Variants in NEXN observed in about 807,000 individuals in gnomAD.
The protein encoded by NEXN is nexilin F-actin binding protein, also known as nexilin.
NEXN carries 65 observed loss-of-function variants against 92.6 expected under a neutral mutation model. The ratio of observed to expected loss-of-function variants is 0.70; its 90% CI spans 0.57 to 0.86. The LOEUF is 0.86. NEXN is among the 40% of genes least tolerant of loss of function. NEXN has a pLI of 0.00. For missense variants in NEXN, 778 were observed against 771.1 expected, an observed-to-expected ratio of 1.01 and a Z score of -0.11; for synonymous variants, 254 against 242.5, an observed-to-expected ratio of 1.05 and a Z score of -0.44.
chr1:77,941,485 A>G (rs1423126251), intron 11 of NEXN, among the ~76,000 whole-genome samples: 4 of 152,088 alleles, frequency 2.6e-5, no homozygotes, highest in Non-Finnish European at 5.9e-5. Context: ...TGTTTCAGCC[A>G]TTGCCTCTTT....
intron 5 of NEXN, among the ~76,000 whole-genome samples, chr1:77,923,593 A>G (rs995981051): frequency 6.6e-6 from 1 of 152,010 alleles, no homozygotes. Flanking sequence ...TCTTCTCTCA[A>G]TTATGTTTGC....
chr1:77,915,607 G>A (rs561404091), intron 1 of NEXN, among the ~76,000 whole-genome samples: 5 of 152,270 alleles, frequency 3.3e-5, no homozygotes, highest in Admixed American at 6.5e-5. Context: ...CAGCCTGGGC[G>A]ACAGAGTGAG....
At chr1:77,900,478 A>C (rs1482403214) in intron 1 of NEXN, among the ~76,000 whole-genome samples, 1 of 152,170 alleles carries the variant, frequency 6.6e-6, no homozygotes, top group Non-Finnish European at 1.5e-5. Flanking sequence ...TTTGTTTCGT[A>C]TCCCATTGCC....
chr1:77,936,147 C>A, intron 11 of NEXN, 103 bp downstream of exon 11: 2 of 830,878 alleles, frequency 2.4e-6, no homozygotes, highest in South Asian at 1.6e-5. Context: ...TAAAATTAAT[C>A]ATTGGTATAT....
chr1:77,927,119 T>G (rs1221612685), intron 8 of NEXN, among the ~76,000 whole-genome samples: 1 of 152,012 alleles, frequency 6.6e-6, no homozygotes, highest in Non-Finnish European at 1.5e-5. Flanking sequence ...GTCAGGAGTT[T>G]GAAACCAGCC....
At chr1:77,910,572 G>A (rs1197058891) in intron 1 of NEXN, among the ~76,000 whole-genome samples, 2 of 151,982 alleles carry the variant, frequency 1.3e-5, no homozygotes, top group Non-Finnish European at 2.9e-5. Context: ...CCAACATAGT[G>A]AAACCCTGTC....
chr1:77,931,418 A>G (rs1650298017), intron 9 of NEXN, among the ~76,000 whole-genome samples: 1 of 141,394 alleles, frequency 7.1e-6, no homozygotes, highest in South Asian at 2.2e-4. Context: ...GTCTCAAAAA[A>G]AAAAAAAAAA....
At chr1:77,919,551 C>A (rs1383664574) in intron 5 of NEXN, among the ~76,000 whole-genome samples, 1 of 151,680 alleles carries the variant, frequency 6.6e-6, no homozygotes, top group Admixed American at 6.6e-5. Context: ...GTTACATGGC[C>A]CATGCAAGTC....
intron 11 of NEXN, among the ~76,000 whole-genome samples, chr1:77,936,965 C>T (rs1465456280): frequency 1.3e-5 from 2 of 152,180 alleles, no homozygotes; most frequent in African/African-American, 2.4e-5. Context: ...AAGATGCAAG[C>T]ATAACTGAGA....
chr1:77,938,403 C>T (rs1650962652), intron 11 of NEXN, among the ~76,000 whole-genome samples: 1 of 152,092 alleles, frequency 6.6e-6, no homozygotes, highest in African/African-American at 2.4e-5. Context: ...GTAATCCCGG[C>T]ACTTTGGGAG....
intron 1 of NEXN, among the ~76,000 whole-genome samples, chr1:77,891,454 CT>C (rs942323630): frequency 5.9e-5 from 9 of 151,992 alleles, no homozygotes; most frequent in Admixed American, 3.9e-4. Context: ...TTTCTTCCTC[CT>C]TTATTTCCTT....
intron 8 of NEXN, among the ~76,000 whole-genome samples, chr1:77,927,618 G>C (rs1431626217): frequency 6.7e-6 from 1 of 150,050 alleles, no homozygotes; most frequent in Non-Finnish European, 1.5e-5. Flanking sequence ...GTGTGTGTGT[G>C]TGTGTGTGTG....
At chr1:77,922,685 C>T (rs2102110058) in intron 5 of NEXN, among the ~76,000 whole-genome samples, 1 of 151,762 alleles carries the variant, frequency 6.6e-6, no homozygotes, top group South Asian at 2.1e-4. Flanking sequence ...GCAAGCTGCG[C>T]CTCCTGGGTT....
At chr1:77,930,626 G>A (rs549818028) in intron 9 of NEXN, among the ~76,000 whole-genome samples, 6 of 152,102 alleles carry the variant, frequency 3.9e-5, no homozygotes, top group Admixed American at 6.6e-5. Context: ...TATTGCTCTC[G>A]TTTCATTTCT....
chr1:77,892,730 T>C (rs755289067), intron 1 of NEXN, among the ~76,000 whole-genome samples: 6 of 152,180 alleles, frequency 3.9e-5, no homozygotes, highest in Non-Finnish European at 5.9e-5. Flanking sequence ...TTGACACTAA[T>C]TGTTAGTGTC....
At chr1:77,891,899 G>A (rs1043191145) in intron 1 of NEXN, among the ~76,000 whole-genome samples, 8 of 151,790 alleles carry the variant, frequency 5.3e-5, no homozygotes. Context: ...GCAACATAGT[G>A]AGACCCACCC....
chr1:77,892,992 G>A (rs1315621869), intron 1 of NEXN, among the ~76,000 whole-genome samples: 1 of 151,412 alleles, frequency 6.6e-6, no homozygotes, highest in African/African-American at 2.4e-5. Flanking sequence ...TCAGCCTCCT[G>A]AGTAGCTAGG....
At chr1:77,903,694 A>AAT (rs1304602563) in intron 1 of NEXN, among the ~76,000 whole-genome samples, 2 of 152,176 alleles carry the variant, frequency 1.3e-5, no homozygotes, top group African/African-American at 2.4e-5. Context: ...GTTGACTATT[A>AAT]ATATATATAA....
intron 1 of NEXN, among the ~76,000 whole-genome samples, chr1:77,899,472 C>G (rs1557960991): frequency 6.6e-6 from 1 of 151,956 alleles, no homozygotes; most frequent in Non-Finnish European, 1.5e-5. Flanking sequence ...AACACATGGA[C>G]ACAGAAAGGG....
Sources: gnomAD v4.1 joint callset for allele counts (sites outside exome capture counted in the v4.1 genomes callset) on GRCh38, gnomAD v4.1.1 for gene constraint, MANE v1.5 for transcripts, NCBI Gene and HGNC (gene_info 2026-07-23, HGNC 2026-07-21) for gene names.